ITPKB: variants seen among roughly 807,000 people sequenced by gnomAD.
ITPKB encodes the protein IP3 3-kinase B.
Under a neutral mutation model 69.4 loss-of-function variants are expected in ITPKB, and 13 were observed. The ratio of observed to expected loss-of-function variants is 0.19; its 90% CI spans 0.12 to 0.30. ITPKB has a LOEUF of 0.30. ITPKB is among the 10% of genes least tolerant of loss of function. ITPKB has a pLI of 1.00. For synonymous variants in ITPKB, 584 were observed against 513.7 expected, an observed-to-expected ratio of 1.14 and a Z score of -1.85; for missense variants, 1,240 against 1,250.5, an observed-to-expected ratio of 0.99 and a Z score of 0.13.
At chr1:226,668,733 A>T (rs1164957162) in intron 2 of ITPKB, among the ~76,000 whole-genome samples, 1 of 152,270 alleles carries the variant, frequency 6.6e-6, no homozygotes. Flanking sequence ...TAACAGGAAT[A>T]AAAAGTGCTC....
chr1:226,736,508 A>G lies in ITPKB; in HGVS notation c.951T>C (p.Arg317=). The G allele has an allele frequency of 6.2e-7, 1 of 1,613,972 alleles. No homozygotes were observed. Among genetic ancestry groups the G allele is most frequent in the Non-Finnish European group, 8.5e-7 (1 of 1,180,028 alleles). ...GCTCAGTGAGGGCAAGATCCTGTGGACGGTGTGGCCCAGTGGATGTAACTC... is the reference window on the plus strand; with the variant it reads ...GCTCAGTGAGGGCAAGATCCTGTGGGCGGTGTGGCCCAGTGGATGTAACTC... The part of the protein sequence containing the change: ...AARVTSTGPH[R]PQDLALTEPS... Residue 317 remains arginine (R), a synonymous_variant, in exon 2 of 8, where the codon CGT becomes CGC. Coordinates refer to ENST00000429204, the MANE Select transcript of ITPKB (RefSeq NM_002221.4).
Position 226,652,117 on chromosome 1 carries a change from A to T in ITPKB, c.1933-3346T>A, listed in dbSNP as rs1395734756. On this transcript the variant is annotated intron_variant, in intron 2 of 7. Transcript: ENST00000429204. The stretch of plus-strand genomic sequence containing the variant: ...CAGCACCCAGGCAGTGCCTAATGTC[A>T]CTGCCAAGCAGTAAACAGAAAAAGC... Among the ~76,000 whole-genome samples the T allele has an allele frequency of 2.0e-5, 3 of 152,192 alleles. No homozygotes were observed. The East Asian group carries it at 5.8e-4, about 29-fold the overall frequency.
At chr1:226,706,184 G>A (rs764581899) in intron 2 of ITPKB, among the ~76,000 whole-genome samples, 3 of 152,176 alleles carry the variant, frequency 2.0e-5, no homozygotes, top group Non-Finnish European at 2.9e-5. Context: ...AAGGCAGTAC[G>A]AAATTTAGAA....
chr1:226,709,990 G>A (rs116194806), intron 2 of ITPKB, among the ~76,000 whole-genome samples: 1,893 of 152,096 alleles, frequency 0.012, 40 homozygotes, highest in African/African-American at 0.043. Context: ...ATAACTACCT[G>A]GGAAGAAATC....
intron 2 of ITPKB, among the ~76,000 whole-genome samples, chr1:226,704,260 C>A (rs1414212305): frequency 1.3e-5 from 2 of 152,120 alleles, no homozygotes; most frequent in East Asian, 3.8e-4. Flanking sequence ...CCGTAAAATA[C>A]CAATTACAAA....
Position 226,641,914 on chromosome 1 carries a change from G to T in ITPKB, c.2451+7C>A. 6.2e-7 allele frequency: 1 copy of T among 1,611,150 alleles called. No homozygotes were observed. The stretch of plus-strand genomic sequence containing the variant: ...GGCCCGAGGCTGCCCTCACTCGCCG[G>T]CCTCACCTTGATTCCCTCGATCCTG... On this transcript the variant is annotated splice_region_variant and intron_variant, in intron 5 of 7. Coordinates refer to ENST00000429204, the MANE Select transcript of ITPKB (RefSeq NM_002221.4). This position sits in a 1 kb window ranked among gnomAD's most constrained non-coding sequence, Gnocchi z 4.6.
chr1:226,735,500 C>A, intron 2 of ITPKB, 27 bp downstream of exon 2: 1 of 1,479,444 alleles, frequency 6.8e-7, no homozygotes, highest in Non-Finnish European at 9.0e-7. Flanking sequence ...AGCATGAGTT[C>A]TGGGCAAATC....
At chr1:226,705,389 C>A (rs891176372) in intron 2 of ITPKB, among the ~76,000 whole-genome samples, 1 of 152,018 alleles carries the variant, frequency 6.6e-6, no homozygotes, top group Non-Finnish European at 1.5e-5. Flanking sequence ...ATGAGCCGGG[C>A]GTGGTGACGC....
chr1:226,667,078 C>T (rs1403634637), intron 2 of ITPKB, among the ~76,000 whole-genome samples: 3 of 152,196 alleles, frequency 2.0e-5, no homozygotes, highest in African/African-American at 7.2e-5. Flanking sequence ...GCAATTATCA[C>T]CTCCTCTTTG....
chr1:226,702,520 C>G (rs938266217), intron 2 of ITPKB, among the ~76,000 whole-genome samples: 4 of 152,144 alleles, frequency 2.6e-5, no homozygotes, highest in African/African-American at 9.7e-5. Flanking sequence ...CTCACTGTGG[C>G]TATCTGGTTA....
intron 2 of ITPKB, among the ~76,000 whole-genome samples, chr1:226,709,486 T>TGGGTGGGGTGGGTGTCACTGCGGTCCTGG (rs1656889137): frequency 2.6e-5 from 4 of 152,154 alleles, no homozygotes; most frequent in Non-Finnish European, 5.9e-5. Context: ...TTAAAATGTA[T>TGGGTGGGGTGGGTGTCACTGCGGTCCTGG]GGGTGGGGTG....
chr1:226,686,838 G>C (rs1656226600), intron 2 of ITPKB, among the ~76,000 whole-genome samples: 1 of 152,238 alleles, frequency 6.6e-6, no homozygotes, highest in Non-Finnish European at 1.5e-5. Flanking sequence ...TGCCCTGGGG[G>C]CCACATATGG....
intron 2 of ITPKB, among the ~76,000 whole-genome samples, chr1:226,654,777 T>C (rs569220848): frequency 1.2e-4 from 19 of 152,318 alleles, no homozygotes; most frequent in Admixed American, 1.1e-3. Flanking sequence ...TCAGGCATCC[T>C]CAGTCATGCT....
At chr1:226,695,381 A>G (rs1298745459) in intron 2 of ITPKB, among the ~76,000 whole-genome samples, 2 of 152,250 alleles carry the variant, frequency 1.3e-5, no homozygotes, top group African/African-American at 2.4e-5. Flanking sequence ...TTGGTTTTAA[A>G]TAAATCAATT....
At chr1:226,701,583 G>A (rs553527535) in intron 2 of ITPKB, among the ~76,000 whole-genome samples, 11 of 107,444 alleles carry the variant, frequency 1.0e-4, no homozygotes, top group East Asian at 3.2e-4. Flanking sequence ...CAGCTTGGGC[G>A]AAAGAGTGAG....
chr1:226,671,867 T>C (rs1669624785), intron 2 of ITPKB, among the ~76,000 whole-genome samples: 1 of 152,142 alleles, frequency 6.6e-6, no homozygotes, highest in South Asian at 2.1e-4. Context: ...AAGAGGAGAA[T>C]ATATCACATA....
chr1:226,706,523 A>G (rs927663011), intron 2 of ITPKB, among the ~76,000 whole-genome samples: 3 of 152,186 alleles, frequency 2.0e-5, no homozygotes, highest in Admixed American at 2.0e-4. Flanking sequence ...GGCCTGTGAA[A>G]TGTGCCTCTC....
intron 2 of ITPKB, among the ~76,000 whole-genome samples, chr1:226,723,978 G>A (rs3820647): frequency 0.019 from 2,831 of 152,278 alleles, 110 homozygotes; most frequent in Admixed American, 0.074. Flanking sequence ...CGTGACTCGA[G>A]CCAATTGGTG....
At chr1:226,643,153 A>G (rs898986831) in intron 4 of ITPKB, among the ~76,000 whole-genome samples, 5 of 149,500 alleles carry the variant, frequency 3.3e-5, no homozygotes, top group Admixed American at 2.0e-4. Flanking sequence ...ACTGGCGGGG[A>G]CCACCTAGAC....
Sources: allele counts gnomAD v4.1 joint callset (sites outside exome capture counted in the v4.1 genomes callset), GRCh38; gene constraint gnomAD v4.1.1; non-coding constraint Gnocchi (gnomAD v3.1); transcripts MANE v1.5; gene names NCBI Gene and HGNC (gene_info 2026-07-23, HGNC 2026-07-21).